Variants in TIPRL observed in about 807,000 individuals in gnomAD.
The protein encoded by TIPRL is TIP41-like protein.
Under a neutral mutation model 32.3 loss-of-function variants are expected in TIPRL, and 10 were observed. The ratio of observed to expected loss-of-function variants is 0.31; its 90% CI spans 0.19 to 0.52. The LOEUF is 0.52. Among genes scored for constraint, TIPRL ranks in the 20% least tolerant of loss-of-function variants. TIPRL has a pLI of 0.96. For synonymous variants in TIPRL, 100 were observed against 114.0 expected, an observed-to-expected ratio of 0.88 and a Z score of 0.78; for missense variants, 250 against 328.1, an observed-to-expected ratio of 0.76 and a Z score of 1.84.
intron 3 of TIPRL, among the ~76,000 whole-genome samples, chr1:168,189,088 G>A (rs1243793225): frequency 6.6e-6 from 1 of 152,176 alleles, no homozygotes; most frequent in Non-Finnish European, 1.5e-5. Flanking sequence ...AGTGAGCACT[G>A]AGCAGTGATG....
intron 1 of TIPRL, among the ~76,000 whole-genome samples, chr1:168,181,281 C>T (rs140845244): frequency 0.042 from 6,314 of 151,652 alleles, 140 homozygotes; most frequent in Middle Eastern, 0.071. Context: ...GGCGCCATCT[C>T]GGCTCACTGT....
At chr1:168,187,081 T>C (rs1187262542) in intron 3 of TIPRL, among the ~76,000 whole-genome samples, 1 of 152,260 alleles carries the variant, frequency 6.6e-6, no homozygotes, top group East Asian at 1.9e-4. Flanking sequence ...GCTCTTGCTC[T>C]ATGCCAGGCA....
chr1:168,198,842 G>A (rs1390775663), intron 5 of TIPRL, 77 bp from the exon 6 acceptor site: 1 of 1,261,906 alleles, frequency 7.9e-7, no homozygotes, highest in Non-Finnish European at 1.1e-6. Context: ...TAAAATGTAG[G>A]CAGTCTGTTT....
chr1:168,196,561 T>C lies in TIPRL; in HGVS notation c.531T>C (p.Ser177=). The change falls in exon 5 of 7, where the codon TCT becomes TCC. Residue 177 remains serine, a synonymous_variant. Transcript: ENST00000367833. ...SLSVKIRVMP[S]SFFLLLRFFL... ...TTTTTTTCCAGAGAGTAATGCCTTC[T>C]AGCTTTTTCCTGCTGTTGCGGTTTT... 6.3e-7 allele frequency: 1 copy of C among 1,596,586 alleles called. No individual in the cohort carries two copies. Among genetic ancestry groups the C allele is most frequent in the South Asian group, 1.1e-5 (1 of 87,904 alleles).
chr1:168,192,901 C>CAAACA (rs1329920436), intron 4 of TIPRL, among the ~76,000 whole-genome samples: 1 of 151,894 alleles, frequency 6.6e-6, no homozygotes, highest in Non-Finnish European at 1.5e-5. Context: ...AACAAACAAA[C>CAAACA]AAACAAAACA....
intron 4 of TIPRL, among the ~76,000 whole-genome samples, chr1:168,191,858 C>CAAAAAAAAAAAAA (rs60988834): frequency 5.1e-5 from 2 of 38,898 alleles, no homozygotes; most frequent in Non-Finnish European, 1.1e-4. Flanking sequence ...GGCGACAGAG[C>CAAAAAAAAAAAAA]AAAAAAAAAA....
intron 6 of TIPRL, 76 bp downstream of exon 6, chr1:168,199,057 C>G: frequency 9.1e-7 from 1 of 1,098,020 alleles, no homozygotes; most frequent in South Asian, 1.4e-5. Context: ...TACCCCTGAC[C>G]CCAACCACCC....
intron 1 of TIPRL, among the ~76,000 whole-genome samples, chr1:168,181,971 C>T (rs776908691): frequency 3.3e-5 from 5 of 151,294 alleles, no homozygotes; most frequent in African/African-American, 7.3e-5. Context: ...GGCTGAGGCA[C>T]GAGAATCACT....
At chr1:168,192,063 T>C (rs2102310957) in intron 4 of TIPRL, 1 of 969,330 alleles carries the variant, frequency 1.0e-6, no homozygotes, top group African/African-American at 1.7e-5. Flanking sequence ...TATTTAACTC[T>C]AATGAAGACT....
chr1:168,184,189 A>G, intron 2 of TIPRL, 108 bp downstream of exon 2: 1 of 1,017,606 alleles, frequency 9.8e-7, no homozygotes, highest in Non-Finnish European at 1.4e-6. Flanking sequence ...GTTAGAATGA[A>G]GGGCTGGTAT....
intron 1 of TIPRL, among the ~76,000 whole-genome samples, chr1:168,182,963 T>C (rs1699985440): frequency 1.3e-5 from 2 of 152,250 alleles, no homozygotes. Flanking sequence ...GTTAACATTG[T>C]TAGTCCTGAA....
intron 5 of TIPRL, 39 bp from the exon 6 acceptor site, chr1:168,198,880 A>G (rs1572438049): frequency 6.5e-7 from 1 of 1,534,990 alleles, no homozygotes; most frequent in Non-Finnish European, 8.9e-7. Context: ...GTAAATCAGT[A>G]TAATTAAATT....
intron 3 of TIPRL, among the ~76,000 whole-genome samples, chr1:168,188,686 A>G (rs1199085118): frequency 6.6e-6 from 1 of 152,134 alleles, no homozygotes; most frequent in Non-Finnish European, 1.5e-5. Context: ...GCCTGCAGAT[A>G]AGAAGCTCTG....
intron 5 of TIPRL, among the ~76,000 whole-genome samples, chr1:168,198,639 T>C (rs1207729971): frequency 1.3e-5 from 2 of 152,232 alleles, no homozygotes; most frequent in Non-Finnish European, 2.9e-5. Context: ...TTCATTTATA[T>C]ACATATTCTT....
intron 5 of TIPRL, among the ~76,000 whole-genome samples, chr1:168,197,935 CAG>C (rs1182673262): frequency 6.6e-6 from 1 of 151,994 alleles, no homozygotes; most frequent in East Asian, 1.9e-4. Context: ...GGCAATTACT[CAG>C]AGTTATACGT....
intron 6 of TIPRL, 68 bp downstream of exon 6, chr1:168,199,049 C>A: frequency 8.1e-7 from 1 of 1,238,380 alleles, no homozygotes; most frequent in Non-Finnish European, 1.2e-6. Context: ...GTAGCATATA[C>A]CCCTGACCCC....
rs374754214 is a variant in TIPRL at position 168,200,016 on chromosome 1, A to C, written c.789A>C (p.Ala263=). ...CAGAAAGAATTGATCCTAACCCAGC[A>C]GACTCACAAAAAAGTACACAAGTGG... The part of the protein sequence containing the change: ...IFPERIDPNP[A]DSQKSTQVE Residue 263 remains alanine (A), a synonymous_variant, in exon 7 of 7, where the codon GCA becomes GCC. Transcript: ENST00000367833. 2.8e-5 allele frequency: 45 copies of C among 1,613,476 alleles called. No homozygotes were observed. Among genetic ancestry groups the C allele is most frequent in the Non-Finnish European group, 3.6e-5 (43 of 1,179,724 alleles).
intron 4 of TIPRL, among the ~76,000 whole-genome samples, chr1:168,195,699 C>T (rs913208873): frequency 3.0e-4 from 45 of 152,054 alleles, no homozygotes; most frequent in African/African-American, 1.1e-3. Context: ...TAGCCTTCCA[C>T]GTAGCTAGGA....
Position 168,179,027 on chromosome 1 carries a change from C to T in TIPRL, c.-51C>T. 1 of 1,534,448 alleles carries T rather than the reference C, an allele frequency of 6.5e-7. No individual in the cohort carries two copies. The highest frequency in any genetic ancestry group is 8.9e-7 in the Non-Finnish European group (1 of 1,119,644). On this transcript the variant is annotated 5_prime_UTR_variant, in exon 1 of 7. Coordinates refer to ENST00000367833, the MANE Select transcript of TIPRL (RefSeq NM_152902.5). ...AGGCGGAGGAACCGGTGTTCGCCGC[C>T]GCCGCTGCTTCAGCTTATTCCTTGT...
Sources: allele counts gnomAD v4.1 joint callset (sites outside exome capture counted in the v4.1 genomes callset), GRCh38; gene constraint gnomAD v4.1.1; transcripts MANE v1.5; gene names NCBI Gene and HGNC (gene_info 2026-07-23, HGNC 2026-07-21).